Variants in SEC31A observed in about 807,000 individuals in gnomAD.
The protein encoded by SEC31A is SEC31 homolog A, COPII component.
Under a neutral mutation model 151.0 loss-of-function variants are expected in SEC31A, and 70 were observed. The ratio of observed to expected loss-of-function variants is 0.46; its 90% CI spans 0.38 to 0.57. SEC31A has a LOEUF of 0.57. SEC31A is among the 20% of genes least tolerant of loss of function. SEC31A has a pLI of 0.00. For missense variants in SEC31A, 1,330 were observed against 1,471.2 expected (o/e 0.90, Z 1.57); for synonymous variants, 475 against 505.9 (o/e 0.94, Z 0.82).
chr4:82,849,189 A>C (rs983390049), intron 19 of SEC31A, among the ~76,000 whole-genome samples: 1 of 152,204 alleles, frequency 6.6e-6, no homozygotes, highest in Non-Finnish European at 1.5e-5. Context: ...TGCAACTTGT[A>C]ATTTAACTGA....
chr4:82,862,475 T>G (rs1734418008), intron 13 of SEC31A, 59 bp downstream of exon 13: 1 of 1,294,096 alleles, frequency 7.7e-7, no homozygotes, highest in African/African-American at 1.5e-5. Flanking sequence ...TGATATTTCC[T>G]TCTTCGTTAT....
intron 6 of SEC31A, among the ~76,000 whole-genome samples, 162 bp from the exon 7 acceptor site, chr4:82,872,248 C>T (rs1310316619): frequency 4.6e-5 from 7 of 152,038 alleles, no homozygotes; most frequent in African/African-American, 1.2e-4. Flanking sequence ...AGTGCAGTAG[C>T]GCCATCTCAG....
At chr4:82,836,589 T>C (rs1263535181) in intron 22 of SEC31A, among the ~76,000 whole-genome samples, 1 of 152,058 alleles carries the variant, frequency 6.6e-6, no homozygotes, top group African/African-American at 2.4e-5. Flanking sequence ...TGGAAGACAT[T>C]ATGCCAGTCA....
At chr4:82,882,401 C>CAA (rs57974382) in intron 1 of SEC31A, among the ~76,000 whole-genome samples, 37 of 92,480 alleles carry the variant, frequency 4.0e-4, no homozygotes, top group African/African-American at 1.8e-3. Flanking sequence ...GACTCTATCT[C>CAA]AAAAAAAAAA....
intron 22 of SEC31A, among the ~76,000 whole-genome samples, chr4:82,841,801 A>G (rs4560402): frequency 0.67 from 100,820 of 150,778 alleles, 36,541 homozygotes; most frequent in Non-Finnish European, 0.8. Flanking sequence ...ATGAAACTCT[A>G]TCTCTATTAA....
chr4:82,865,536 G>GTATATATA (rs55681370), intron 10 of SEC31A, among the ~76,000 whole-genome samples: 74 of 137,178 alleles, frequency 5.4e-4, no homozygotes, highest in East Asian at 1.1e-3. Context: ...AAAAAATGTG[G>GTATATATA]TATATATATA....
At position 82,827,491 on chromosome 4, in the gene SEC31A, G is replaced by T; in HGVS notation, c.3169C>A (p.Leu1057Ile). The stretch of plus-strand genomic sequence containing the variant: ...CCATGGAAGGGCTGGCCACCTGGAA[G>T]ATGTGGCTGTGGGAATGAAGACTGG... ...SSQSSFPQPH[L>I]PGGQPFHGVQ... is the part of the protein sequence containing the mutation. Residue 1057 changes from leucine to isoleucine, a missense_variant, in exon 24 of 27, where the codon CTT becomes ATT. By Grantham distance (5) the Leu-to-Ile change is conservative (BLOSUM62 2). Transcript: ENST00000395310. 1 of 1,614,234 alleles carries T rather than the reference G, an allele frequency of 6.2e-7. No homozygotes were observed. Among genetic ancestry groups the T allele is most frequent in the Non-Finnish European group, 8.5e-7 (1 of 1,180,046 alleles).
At chr4:82,845,368 G>A in intron 20 of SEC31A, 2 of 786,598 alleles carry the variant, frequency 2.5e-6, no homozygotes, top group Non-Finnish European at 3.7e-6. Context: ...AACCCCAAAA[G>A]GTATTAATAG....
intron 17 of SEC31A, among the ~76,000 whole-genome samples, chr4:82,854,150 G>A (rs968205030): frequency 3.3e-5 from 5 of 152,144 alleles, no homozygotes; most frequent in Admixed American, 1.3e-4. Flanking sequence ...GATCAGCAGA[G>A]GTCAGGAGTT....
intron 7 of SEC31A, among the ~76,000 whole-genome samples, chr4:82,871,063 A>C (rs542603966): frequency 2.0e-4 from 30 of 152,184 alleles, no homozygotes; most frequent in African/African-American, 6.7e-4. Context: ...GTGTGCCTGT[A>C]GTTCCAGGCA....
chr4:82,893,894 T>C (rs564860247), upstream of SEC31A: 4 of 152,334 alleles, frequency 2.6e-5, no homozygotes, highest in African/African-American at 9.6e-5. Context: ...CTTTATACAT[T>C]AACTTGAGAA....
intron 19 of SEC31A, among the ~76,000 whole-genome samples, chr4:82,849,683 G>C (rs1446413997): frequency 6.6e-6 from 1 of 150,780 alleles, no homozygotes; most frequent in African/African-American, 2.4e-5. Context: ...GGTGGTTATT[G>C]AAGAAAATGG....
intron 20 of SEC31A, among the ~76,000 whole-genome samples, chr4:82,846,978 G>A (rs1029089593): frequency 6.6e-6 from 1 of 152,190 alleles, no homozygotes; most frequent in African/African-American, 2.4e-5. Context: ...GCCTCCTAAC[G>A]TACAGGGATT....
rs772356321 is a variant in SEC31A at position 82,866,879 on chromosome 4, G to C, written c.1126C>G (p.Gln376Glu). ...PPLQIPQQTAQHSIVLPLKKP... is the reference protein window; with the variant it reads ...PPLQIPQQTAEHSIVLPLKKP... ...TTCAGAGGCAGCACTATACTATGCT[G>C]AGCAGTCTGCTGTGGAATTTGTAAC... Residue 376 changes from glutamine (Q) to glutamate (E), a missense_variant, in exon 10 of 27, where the codon CAG becomes GAG. By Grantham distance (29) the Gln-to-Glu change is conservative. Coordinates refer to ENST00000395310, the MANE Select transcript of SEC31A (RefSeq NM_001077207.4). 6.2e-6 allele frequency: 10 copies of C among 1,614,172 alleles called. No homozygotes were observed. In the East Asian group the frequency reaches 2.2e-4, roughly 36 times the overall value.
chr4:82,849,066 A>G (rs1375589188), intron 19 of SEC31A, 89 bp from the exon 20 acceptor site: 2 of 1,186,410 alleles, frequency 1.7e-6, no homozygotes, highest in African/African-American at 3.1e-5. Flanking sequence ...TTATTCATCA[A>G]GATATCCCTT....
At chr4:82,858,681 ATATAT>A (rs1733331199) in intron 14 of SEC31A, among the ~76,000 whole-genome samples, 2 of 150,344 alleles carry the variant, frequency 1.3e-5, no homozygotes, top group Non-Finnish European at 3.0e-5. Context: ...AATATGGAAA[ATATAT>A]TATTTATTTA....
intron 13 of SEC31A, 56 bp from the exon 14 acceptor site, chr4:82,861,764 A>G (rs769910777): frequency 1.3e-4 from 156 of 1,220,978 alleles, no homozygotes; most frequent in Non-Finnish European, 1.7e-4. Context: ...TTAAAAGGCT[A>G]TTAGTGAACC....
intron 24 of SEC31A, among the ~76,000 whole-genome samples, chr4:82,826,067 A>G (rs1724475109): frequency 6.6e-6 from 1 of 152,210 alleles, no homozygotes; most frequent in Non-Finnish European, 1.5e-5. Flanking sequence ...CCAAGTAGGC[A>G]GGCAGCTGGG....
intron 14 of SEC31A, among the ~76,000 whole-genome samples, chr4:82,858,767 C>A (rs1288383158): frequency 2.0e-5 from 3 of 151,090 alleles, no homozygotes; most frequent in Non-Finnish European, 3.0e-5. Context: ...CAGTGGCGCA[C>A]TCTCGGCTCA....
Sources: gnomAD v4.1 joint callset for allele counts (sites outside exome capture counted in the v4.1 genomes callset) on GRCh38, gnomAD v4.1.1 for gene constraint, MANE v1.5 for transcripts, NCBI Gene and HGNC (gene_info 2026-07-23, HGNC 2026-07-21) for gene names.